Variants in THADA observed in about 807,000 individuals in gnomAD.
THADA encodes tRNA (32-2'-O)-methyltransferase regulator THADA.
THADA carries 213 observed loss-of-function variants against 219.8 expected under a neutral mutation model. The ratio of observed to expected loss-of-function variants is 0.97; its 90% confidence interval spans 0.87 to 1.09. THADA has a LOEUF of 1.09. Among genes scored for constraint, THADA ranks in the 50% least tolerant of loss-of-function variants. The pLI, the probability that THADA is intolerant of heterozygous loss-of-function variation, is 0.00. For missense variants in THADA, 2,956 were observed against 2,311.3 expected, an observed-to-expected ratio of 1.28 and a Z score of -5.72; for synonymous variants, 1,018 against 828.9, an observed-to-expected ratio of 1.23 and a Z score of -3.92.
chr2:43,358,219 A>C (rs1229118588), intron 29 of THADA, among the ~76,000 whole-genome samples: 1 of 152,210 alleles, frequency 6.6e-6, no homozygotes, highest in Non-Finnish European at 1.5e-5. Flanking sequence ...TAGAGTCAGA[A>C]ACAATAAAAG....
At chr2:43,590,213 G>A (rs1212626037) in intron 4 of THADA, among the ~76,000 whole-genome samples, 2 of 152,008 alleles carry the variant, frequency 1.3e-5, no homozygotes, top group African/African-American at 2.4e-5. Context: ...TGTTATCTGT[G>A]TAAATATATA....
intron 36 of THADA, among the ~76,000 whole-genome samples, chr2:43,264,227 T>C (rs1027124853): frequency 6.6e-6 from 1 of 152,126 alleles, no homozygotes; most frequent in Non-Finnish European, 1.5e-5. Flanking sequence ...TAGTGAACTT[T>C]TCCCTGCCCC....
rs750062077 is a variant in THADA at position 43,286,539 on chromosome 2, G to A, written c.5164+369C>T. Among the ~76,000 whole-genome samples the A allele has an allele frequency of 1.2e-4, 19 of 152,032 alleles. 1 individual carries two copies. Among genetic ancestry groups the A allele is most frequent in the East Asian group, 1.9e-4 (1 of 5,182 alleles). On this transcript the variant is annotated intron_variant, in intron 35 of 37. Coordinates refer to ENST00000405975, the MANE Select transcript of THADA (RefSeq NM_022065.5). ...GTGGATCACCTGAGGTCAAGAGTTCGAGACCAGCCTGGCCAATATGGTGAA... is the reference window on the plus strand; with the variant it reads ...GTGGATCACCTGAGGTCAAGAGTTCAAGACCAGCCTGGCCAATATGGTGAA...
intron 21 of THADA, among the ~76,000 whole-genome samples, chr2:43,534,158 T>C (rs551056039): frequency 1.3e-5 from 2 of 152,318 alleles, no homozygotes; most frequent in East Asian, 1.9e-4. Flanking sequence ...AACCCTTTTA[T>C]GAAGACAGAT....
At chr2:43,254,456 C>A (rs1052223258) in intron 36 of THADA, among the ~76,000 whole-genome samples, 6 of 152,024 alleles carry the variant, frequency 3.9e-5, no homozygotes, top group African/African-American at 1.4e-4. Context: ...CTGCATTGGA[C>A]ATTCTGTCAC....
intron 26 of THADA, among the ~76,000 whole-genome samples, chr2:43,437,610 T>C (rs1246500526): frequency 6.6e-6 from 1 of 152,172 alleles, no homozygotes; most frequent in African/African-American, 2.4e-5. Context: ...GAGAATTCAC[T>C]AGAATTTTCA....
chr2:43,251,726 G>T (rs1213320058), intron 36 of THADA, among the ~76,000 whole-genome samples: 1 of 152,218 alleles, frequency 6.6e-6, no homozygotes, highest in African/African-American at 2.4e-5. Flanking sequence ...TGAGGAAACA[G>T]GGCCTCCCTC....
chr2:43,333,724 A>T (rs1335768113), intron 30 of THADA, among the ~76,000 whole-genome samples: 1 of 152,214 alleles, frequency 6.6e-6, no homozygotes, highest in South Asian at 2.1e-4. Context: ...TGAATATTTT[A>T]ACAATCATCC....
At chr2:43,552,033 A>G in intron 18 of THADA, 108 bp from the exon 19 acceptor site, 1 of 1,549,206 alleles carries the variant, frequency 6.5e-7, no homozygotes, top group East Asian at 2.3e-5. Context: ...TTCAATACAT[A>G]AAACATGTGA....
chr2:43,279,922 T>G, intron 35 of THADA, 26 bp from the exon 36 acceptor site: 1 of 1,487,982 alleles, frequency 6.7e-7, no homozygotes, highest in Non-Finnish European at 8.9e-7. Flanking sequence ...GGAATCTGAA[T>G]TACCTAGAAT....
chr2:43,529,508 C>T (rs1353451719), intron 21 of THADA, among the ~76,000 whole-genome samples: 2 of 152,044 alleles, frequency 1.3e-5, no homozygotes, highest in African/African-American at 2.4e-5. Flanking sequence ...CCACTGTGGC[C>T]GGCCAGATTA....
chr2:43,567,100 T>A (rs1183276054), intron 14 of THADA, among the ~76,000 whole-genome samples: 1 of 145,084 alleles, frequency 6.9e-6, no homozygotes, highest in Non-Finnish European at 1.5e-5. Context: ...TTTTTTTTTT[T>A]AAGACAGAGT....
intron 26 of THADA, among the ~76,000 whole-genome samples, chr2:43,438,170 C>T (rs189142407): frequency 4.0e-5 from 6 of 151,770 alleles, no homozygotes; most frequent in Admixed American, 2.0e-4. Context: ...GGCAAGGTGG[C>T]GGGCGCCTGT....
intron 26 of THADA, among the ~76,000 whole-genome samples, chr2:43,475,783 T>C (rs1303758825): frequency 6.6e-6 from 1 of 152,228 alleles, no homozygotes; most frequent in Non-Finnish European, 1.5e-5. Context: ...GAATCATATA[T>C]CTAGACACTT....
intron 36 of THADA, among the ~76,000 whole-genome samples, chr2:43,251,525 T>A (rs1309060913): frequency 6.6e-6 from 1 of 152,228 alleles, no homozygotes; most frequent in South Asian, 2.1e-4. Flanking sequence ...TCACCTGGTC[T>A]GCTTCCTGTC....
At chr2:43,242,047 C>A (rs528380214) in intron 36 of THADA, among the ~76,000 whole-genome samples, 2 of 152,222 alleles carry the variant, frequency 1.3e-5, no homozygotes, top group African/African-American at 4.8e-5. Context: ...CTTAGCCTGC[C>A]GGCCTGTCCC....
intron 30 of THADA, among the ~76,000 whole-genome samples, chr2:43,324,950 G>T (rs996868169): frequency 1.3e-5 from 2 of 152,310 alleles, no homozygotes; most frequent in Middle Eastern, 6.8e-3. Flanking sequence ...AGTGGCTTTC[G>T]AAGGAGGAGA....
At chr2:43,268,833 G>A (rs1365450272) in intron 36 of THADA, among the ~76,000 whole-genome samples, 1 of 152,238 alleles carries the variant, frequency 6.6e-6, no homozygotes, top group Non-Finnish European at 1.5e-5. Flanking sequence ...GCAAAGGGCA[G>A]GTGCCAGTGC....
At position 43,505,631 on chromosome 2, in the gene THADA, T is replaced by A; in HGVS notation, c.3612A>T (p.Thr1204=). ...LAGPTDDIQS[T]VPQVHALNIL... Reference sequence around the variant, plus strand: ...GTATTTCCATGATTACCTGGGGGACTGTACTCTGTATGTCATCTGTAGGCC... The same window carrying A: ...GTATTTCCATGATTACCTGGGGGACAGTACTCTGTATGTCATCTGTAGGCC... The change falls in exon 24 of 38, where the codon ACA becomes ACT. Residue 1204 remains threonine, a synonymous_variant. Coordinates refer to ENST00000405975, the MANE Select transcript of THADA (RefSeq NM_022065.5). 1 of 1,588,304 alleles carries A rather than the reference T, an allele frequency of 6.3e-7. No homozygotes were observed. The highest frequency in any genetic ancestry group is 8.6e-7 in the Non-Finnish European group (1 of 1,164,050).
Sources: allele counts gnomAD v4.1 joint callset (sites outside exome capture counted in the v4.1 genomes callset), GRCh38; gene constraint gnomAD v4.1.1; transcripts MANE v1.5; gene names NCBI Gene and HGNC (gene_info 2026-07-23, HGNC 2026-07-21).